The following PAG1 variants were observed in gnomAD, a reference collection of about 807,000 sequenced individuals.
PAG1 encodes phosphoprotein membrane anchor with glycosphingolipid microdomains 1, also known as phosphoprotein associated with glycosphingolipid-enriched microdomains 1.
In PAG1, 23 loss-of-function variants were observed where a neutral mutation model predicts 31.7. That is an observed-to-expected ratio of 0.73 (90% confidence interval 0.52 to 1.03). The LOEUF (loss-of-function observed/expected upper bound fraction) is 1.03, where lower values mean the gene tolerates loss of function less well. PAG1 is among the 50% of genes least tolerant of loss of function. PAG1 has a pLI of 0.00. For synonymous variants in PAG1, 214 were observed against 210.3 expected (o/e 1.02, Z -0.15); for missense variants, 473 against 540.7 (o/e 0.87, Z 1.24).
Position 80,993,135 on chromosome 8 carries a change from G to T in PAG1, c.93C>A (p.Thr31=). The change falls in exon 4 of 9, where the codon ACC becomes ACA. Residue 31 remains threonine, a synonymous_variant. Transcript: ENST00000220597. ...LAAVAIFFVI[T]FLIFLCSSCD... Reference sequence around the variant, plus strand: ...AACTAGAGCACAGGAAGATGAGGAAGGTGATGACGAAGAAAATGGCGACAG... The same window carrying T: ...AACTAGAGCACAGGAAGATGAGGAATGTGATGACGAAGAAAATGGCGACAG... 1 of 1,613,882 alleles carries T rather than the reference G, an allele frequency of 6.2e-7. No homozygotes were observed. Among genetic ancestry groups the T allele is most frequent in the Non-Finnish European group, 8.5e-7 (1 of 1,179,902 alleles).
intron 5 of PAG1, among the ~76,000 whole-genome samples, chr8:80,987,829 T>C (rs886208147): frequency 6.6e-6 from 1 of 152,240 alleles, no homozygotes; most frequent in Non-Finnish European, 1.5e-5. Flanking sequence ...AAATATCTTG[T>C]ATGGTTCTCA....
intron 1 of PAG1, among the ~76,000 whole-genome samples, chr8:81,092,031 A>G (rs991449664): frequency 1.4e-4 from 21 of 151,134 alleles, no homozygotes; most frequent in African/African-American, 5.1e-4. Flanking sequence ...AAACTTGGAT[A>G]ATATTAGTTT....
At chr8:81,094,794 C>T (rs1273554005) in intron 1 of PAG1, among the ~76,000 whole-genome samples, 1 of 152,184 alleles carries the variant, frequency 6.6e-6, no homozygotes, top group Non-Finnish European at 1.5e-5. Flanking sequence ...AAACAACCCT[C>T]AAAGGTGTTC....
At chr8:81,089,306 A>G (rs1444493650) in intron 1 of PAG1, among the ~76,000 whole-genome samples, 1 of 152,208 alleles carries the variant, frequency 6.6e-6, no homozygotes, top group African/African-American at 2.4e-5. Context: ...GCAGTGGCTC[A>G]CGCCTGTAAT....
chr8:81,028,002 G>A (rs1005202262), intron 3 of PAG1, among the ~76,000 whole-genome samples: 36 of 152,028 alleles, frequency 2.4e-4, no homozygotes, highest in African/African-American at 8.2e-4. Flanking sequence ...CACAGCTGCT[G>A]TTGGGGCTGC....
At position 81,007,086 on chromosome 8, in the gene PAG1, T is replaced by C. The variant is rs960305914; in HGVS notation, c.-80-13779A>G. ...TTCTCTATGCTACGTTTTCACTCTTTTTCTGGAAAGGGTATTTTAAAGGCA... is the reference window on the plus strand; with the variant it reads ...TTCTCTATGCTACGTTTTCACTCTTCTTCTGGAAAGGGTATTTTAAAGGCA... On this transcript the variant is annotated intron_variant, in intron 3 of 8. Coordinates refer to ENST00000220597, the MANE Select transcript of PAG1 (RefSeq NM_018440.4). Among the ~76,000 whole-genome samples, 28 of 152,092 alleles carry C rather than the reference T, an allele frequency of 1.8e-4. 1 individual carries two copies. Among genetic ancestry groups the C allele is most frequent in the Non-Finnish European group, 1.0e-4 (7 of 68,020 alleles).
At chr8:81,092,186 C>G (rs918661074) in intron 1 of PAG1, among the ~76,000 whole-genome samples, 1 of 85,722 alleles carries the variant, frequency 1.2e-5, no homozygotes, top group Non-Finnish European at 2.2e-5. Flanking sequence ...AACCACATCT[C>G]TGCAAAAAAA....
At position 80,979,396 on chromosome 8, in the gene PAG1, A is replaced by G. The variant is rs76849592; in HGVS notation, c.936+1039T>C. ...TGGGCTTGAGGGAGGTGGGTACACA[A>G]AGAAAACAGTTTGGAGGTGCAACTG... is the stretch of plus-strand genomic sequence containing the variant. On this transcript the variant is annotated intron_variant, in intron 8 of 8. Transcript: ENST00000220597. Among the ~76,000 whole-genome samples, 439 of 152,282 alleles carry G rather than the reference A, an allele frequency of 2.9e-3. 11 individuals are homozygous for G. In the East Asian group the frequency reaches 0.077, roughly 27 times the overall value.
intron 3 of PAG1, among the ~76,000 whole-genome samples, chr8:80,999,047 G>A (rs535577217): frequency 6.6e-6 from 1 of 152,276 alleles, no homozygotes; most frequent in East Asian, 1.9e-4. Flanking sequence ...CTGGTCCTGT[G>A]AGCACACTGA....
intron 3 of PAG1, among the ~76,000 whole-genome samples, chr8:81,025,986 G>A (rs1414365163): frequency 4.6e-5 from 7 of 152,126 alleles, no homozygotes; most frequent in South Asian, 4.1e-4. Flanking sequence ...GTGTTTAGAC[G>A]CATGGAGCCC....
At chr8:81,096,118 T>A (rs1809524635) in intron 1 of PAG1, among the ~76,000 whole-genome samples, 2 of 152,194 alleles carry the variant, frequency 1.3e-5, no homozygotes, top group African/African-American at 4.8e-5. Flanking sequence ...CTCACTTAAA[T>A]TTTCCTACTT....
chr8:80,989,080 TG>T (rs1807485135), intron 5 of PAG1, among the ~76,000 whole-genome samples: 1 of 152,234 alleles, frequency 6.6e-6, no homozygotes. Context: ...CTTTGCTAGT[TG>T]GCCTCACAAA....
chr8:81,076,154 T>C (rs4075596), intron 1 of PAG1, among the ~76,000 whole-genome samples: 63,406 of 152,122 alleles, frequency 0.42, 15,730 homozygotes, highest in East Asian at 0.67. Flanking sequence ...AATGACTTCT[T>C]ATCTGATCCT....
intron 3 of PAG1, among the ~76,000 whole-genome samples, chr8:81,022,882 C>T (rs1377333650): frequency 6.6e-6 from 1 of 152,114 alleles, no homozygotes; most frequent in Non-Finnish European, 1.5e-5. Context: ...GCTGACTACC[C>T]CATTGGCCTT....
At chr8:81,011,516 C>T (rs1405252167) in intron 3 of PAG1, among the ~76,000 whole-genome samples, 2 of 152,008 alleles carry the variant, frequency 1.3e-5, no homozygotes, top group Non-Finnish European at 2.9e-5. Flanking sequence ...TATAAGTGAC[C>T]AGTCTCAGGT....
intron 3 of PAG1, among the ~76,000 whole-genome samples, chr8:81,028,541 G>A (rs1808324044): frequency 2.0e-5 from 3 of 152,142 alleles, no homozygotes. Context: ...TACTTGGATA[G>A]GCATACTGCA....
At chr8:81,092,610 C>T (rs1404750671) in intron 1 of PAG1, among the ~76,000 whole-genome samples, 2 of 152,184 alleles carry the variant, frequency 1.3e-5, no homozygotes, top group Admixed American at 6.5e-5. Context: ...TTGTATCCCT[C>T]GTCATGGAAC....
chr8:81,053,591 CT>C (rs1808767322), intron 2 of PAG1, among the ~76,000 whole-genome samples: 1 of 152,150 alleles, frequency 6.6e-6, no homozygotes, highest in African/African-American at 2.4e-5. Flanking sequence ...AGGTTACTGT[CT>C]TCAAAAAGTG....
rs945419605 is a variant in PAG1 at position 81,056,213 on chromosome 8, A to G, written c.-175+13899T>C. ...AGGGCTTTCTTCATAGAATTGGAAAAAACTACTTTAAAGTTCACATGGAAC... is the reference window on the plus strand; with the variant it reads ...AGGGCTTTCTTCATAGAATTGGAAAGAACTACTTTAAAGTTCACATGGAAC... On this transcript the variant is annotated intron_variant, in intron 2 of 8. Transcript: ENST00000220597. Among the ~76,000 whole-genome samples the G allele has an allele frequency of 9.9e-5, 15 of 152,206 alleles. 2 individuals are homozygous for G. The highest frequency in any genetic ancestry group is 9.8e-4 in the Admixed American group (15 of 15,280).
Sources: allele counts gnomAD v4.1 joint callset (sites outside exome capture counted in the v4.1 genomes callset), GRCh38; gene constraint gnomAD v4.1.1; transcripts MANE v1.5; gene names NCBI Gene and HGNC (gene_info 2026-07-23, HGNC 2026-07-21).